The following SLC25A48 variants were observed in gnomAD, a reference collection of about 807,000 sequenced individuals.
SLC25A48 encodes CTC-321K16.1.
In SLC25A48, 29 loss-of-function variants were observed where a neutral mutation model predicts 32.2. The ratio of observed to expected loss-of-function variants is 0.90; its 90% CI spans 0.67 to 1.23. SLC25A48 has a LOEUF of 1.23. Ranked by LOEUF, SLC25A48 falls within the 50% of genes most tolerant of loss-of-function variation. The pLI, the probability that SLC25A48 is intolerant of heterozygous loss-of-function variation, is 0.00. For synonymous variants in SLC25A48, 164 were observed against 172.3 expected (o/e 0.95, Z 0.38); for missense variants, 399 against 422.7 (o/e 0.94, Z 0.49).
intron 3 of SLC25A48, among the ~76,000 whole-genome samples, chr5:135,782,844 G>T (rs1334932112): frequency 8.4e-6 from 1 of 118,444 alleles, no homozygotes; most frequent in Non-Finnish European, 2.1e-5. Flanking sequence ...GGAAGAGGAT[G>T]ATATTATTCC....
At chr5:135,635,385 A>G (rs193181100) in intron 3 of SLC25A48, among the ~76,000 whole-genome samples, 4 of 152,332 alleles carry the variant, frequency 2.6e-5, no homozygotes, top group Non-Finnish European at 2.9e-5. Flanking sequence ...ATAATTAAAC[A>G]GGTAGAGTGG....
intron 1 of SLC25A48, among the ~76,000 whole-genome samples, chr5:135,601,963 A>G (rs1265813113): frequency 6.6e-6 from 1 of 152,224 alleles, no homozygotes; most frequent in African/African-American, 2.4e-5. Context: ...ATAGTGAGGA[A>G]TAACTTCAAT....
At chr5:135,617,168 T>C (rs1752209857) in intron 1 of SLC25A48, among the ~76,000 whole-genome samples, 1 of 152,114 alleles carries the variant, frequency 6.6e-6, no homozygotes, top group Non-Finnish European at 1.5e-5. Flanking sequence ...TTTCTATTTC[T>C]TTCAGATTCA....
Position 135,595,111 on chromosome 5 carries a change from A to G in SLC25A48, c.-849+15514A>G, listed in dbSNP as rs541130909. ...TTTCCAAACAGTCCCTGGTGGAGGC[A>G]GGTGGAGCCCTCCATCTTTAGGCAG... On this transcript the variant is annotated intron_variant, in intron 1 of 10. Transcript: ENST00000646290. Among the ~76,000 whole-genome samples, 4 of 152,294 alleles carry G rather than the reference A, an allele frequency of 2.6e-5. No individual in the cohort carries two copies. In the South Asian group the frequency reaches 6.2e-4, roughly 24 times the overall value.
intron 3 of SLC25A48, among the ~76,000 whole-genome samples, chr5:135,802,048 C>A (rs1280353786): frequency 1.3e-5 from 2 of 151,706 alleles, no homozygotes; most frequent in East Asian, 1.9e-4. Context: ...AATGTACAAA[C>A]CCCTGTTACA....
chr5:135,886,876 A>G lies in SLC25A48; in HGVS notation c.*8-1156A>G, dbSNP rs569825604. 6.8e-4 allele frequency among the ~76,000 whole-genome samples: 104 copies of G among 151,864 alleles called. No homozygotes were observed. In the Middle Eastern group the frequency reaches 0.01, roughly 15 times the overall value. ...TTTTTAAGAAGGATGAAAACAAAACAGAATTCCAAGCCAAGCACCAGTTTT... is the reference window on the plus strand; with the variant it reads ...TTTTTAAGAAGGATGAAAACAAAACGGAATTCCAAGCCAAGCACCAGTTTT... On this transcript the variant is annotated intron_variant, in intron 7 of 7. Transcript: ENST00000681962.
chr5:135,831,465 T>C (rs1467843243), upstream of SLC25A48, among the ~76,000 whole-genome samples: 2 of 152,156 alleles, frequency 1.3e-5, no homozygotes, highest in East Asian at 1.9e-4. Context: ...ACAGCAGAGA[T>C]ACAGATATGC....
chr5:135,678,683 C>T (rs556471009), intron 3 of SLC25A48, among the ~76,000 whole-genome samples: 18 of 152,124 alleles, frequency 1.2e-4, no homozygotes, highest in South Asian at 4.2e-4. Flanking sequence ...TTTTGAGGGA[C>T]GGGGGTAATT....
intron 4 of SLC25A48, among the ~76,000 whole-genome samples, chr5:135,868,004 G>A (rs2126793286): frequency 6.6e-6 from 1 of 152,306 alleles, no homozygotes; most frequent in African/African-American, 2.4e-5. Flanking sequence ...CCCTAACTGG[G>A]CTGTAAACAA....
chr5:135,761,497 A>G (rs1756059511), intron 3 of SLC25A48, among the ~76,000 whole-genome samples: 1 of 152,118 alleles, frequency 6.6e-6, no homozygotes, highest in Non-Finnish European at 1.5e-5. Flanking sequence ...AAACTGAACT[A>G]TATTCTCCTT....
chr5:135,829,397 C>A (rs917550815), intron 4 of SLC25A48, among the ~76,000 whole-genome samples: 2 of 152,072 alleles, frequency 1.3e-5, no homozygotes, highest in Non-Finnish European at 2.9e-5. Flanking sequence ...TCTCAGATGT[C>A]CGCAGAGCCA....
chr5:135,633,811 T>C (rs1391580316), intron 2 of SLC25A48, among the ~76,000 whole-genome samples: 4 of 152,206 alleles, frequency 2.6e-5, no homozygotes, highest in Admixed American at 2.0e-4. Context: ...TTCCTCTTCT[T>C]GCATCAGTGA....
At chr5:135,604,170 C>T (rs141182201) in intron 1 of SLC25A48, among the ~76,000 whole-genome samples, 3 of 152,242 alleles carry the variant, frequency 2.0e-5, no homozygotes, top group Non-Finnish European at 1.5e-5. Flanking sequence ...CAGAGTCAAC[C>T]CCAGCCCGTC....
chr5:135,773,567 A>G (rs1756472461), intron 3 of SLC25A48, among the ~76,000 whole-genome samples: 1 of 151,488 alleles, frequency 6.6e-6, no homozygotes, highest in Non-Finnish European at 1.5e-5. Flanking sequence ...CCTGGGTATT[A>G]CGAACCATAT....
intron 4 of SLC25A48, among the ~76,000 whole-genome samples, chr5:135,853,550 G>A (rs997632306): frequency 6.6e-6 from 1 of 152,196 alleles, no homozygotes; most frequent in African/African-American, 2.4e-5. Flanking sequence ...TCATCCATAA[G>A]AAGTAACTCT....
intron 1 of SLC25A48, among the ~76,000 whole-genome samples, chr5:135,626,346 G>A (rs902289441): frequency 7.9e-5 from 12 of 152,346 alleles, no homozygotes; most frequent in East Asian, 1.9e-4. Flanking sequence ...CCATGGGTGC[G>A]TGACCTCTGC....
intron 3 of SLC25A48, among the ~76,000 whole-genome samples, chr5:135,687,460 C>T (rs1754042694): frequency 6.6e-6 from 1 of 152,144 alleles, no homozygotes; most frequent in Admixed American, 6.5e-5. Context: ...GTAACTGAGG[C>T]TTGATATTTA....
At chr5:135,747,276 T>G (rs918300448) in intron 3 of SLC25A48, among the ~76,000 whole-genome samples, 1 of 151,698 alleles carries the variant, frequency 6.6e-6, no homozygotes, top group African/African-American at 2.4e-5. Context: ...TATATATATA[T>G]CTATATATCA....
rs1223175580 is a variant in SLC25A48 at position 135,782,951 on chromosome 5, C to T, written c.-520-29572C>T. On this transcript the variant is annotated intron_variant, in intron 3 of 10. Transcript: ENST00000646290. ...TCCCAATATCGCAGGGGGTGTGCACCCCCACTGTGATATTGTTCCTAACAT... is the reference window on the plus strand; with the variant it reads ...TCCCAATATCGCAGGGGGTGTGCACTCCCACTGTGATATTGTTCCTAACAT... Among the ~76,000 whole-genome samples, 3 of 105,972 alleles carry T rather than the reference C, an allele frequency of 2.8e-5. 1 individual carries two copies. Among genetic ancestry groups the T allele is most frequent in the Admixed American group, 2.8e-4 (3 of 10,708 alleles). 69.5% of individuals were successfully genotyped at this position (105,972 alleles called of 152,430 possible).
Sources: allele counts gnomAD v4.1 joint callset (sites outside exome capture counted in the v4.1 genomes callset), GRCh38; gene constraint gnomAD v4.1.1; transcripts MANE v1.5; gene names NCBI Gene and HGNC (gene_info 2026-07-23, HGNC 2026-07-21).